Variants in GRM3 observed in about 807,000 individuals in gnomAD.
GRM3 encodes the protein glutamate metabotropic receptor 3.
Under a neutral mutation model 70.5 loss-of-function variants are expected in GRM3, and 26 were observed. The ratio of observed to expected loss-of-function variants is 0.37; its 90% CI spans 0.27 to 0.51. The LOEUF (loss-of-function observed/expected upper bound fraction) is 0.51, where lower values mean the gene tolerates loss of function less well. Among genes scored for constraint, GRM3 ranks in the 20% least tolerant of loss-of-function variants. The pLI is 0.93. For missense variants in GRM3, 859 were observed against 1,123.8 expected (o/e 0.76, Z 3.37); for synonymous variants, 443 against 434.9 (o/e 1.02, Z -0.23).
Position 86,764,420 on chromosome 7 carries a change from A to G in GRM3, c.-140-586A>G, listed in dbSNP as rs1389974489. Reference sequence around the variant, plus strand: ...AGAAATAAGTAGCAGCTTTTTCCACAACACTTTTGTTAGAGCAGTTGAGGC... The same window carrying G: ...AGAAATAAGTAGCAGCTTTTTCCACGACACTTTTGTTAGAGCAGTTGAGGC... On this transcript the variant is annotated intron_variant, in intron 1 of 5. Transcript: ENST00000361669. 2.6e-5 allele frequency among the ~76,000 whole-genome samples: 4 copies of G among 152,256 alleles called. No homozygotes were observed. In the East Asian group the frequency reaches 7.7e-4, roughly 29 times the overall value.
At chr7:86,791,224 G>A (rs1360144460) in intron 3 of GRM3, among the ~76,000 whole-genome samples, 1 of 152,030 alleles carries the variant, frequency 6.6e-6, no homozygotes, top group East Asian at 1.9e-4. Context: ...CTGGCATAGA[G>A]CAGACATTAT....
At chr7:86,857,724 G>T (rs879618914) in intron 5 of GRM3, among the ~76,000 whole-genome samples, 4 of 152,124 alleles carry the variant, frequency 2.6e-5, no homozygotes, top group Admixed American at 2.6e-4. Flanking sequence ...GAGCCTCAGG[G>T]TGAAAAAGTT....
chr7:86,694,530 A>AAAAAAAAAG (rs1794770093), intron 1 of GRM3, among the ~76,000 whole-genome samples: 1 of 43,624 alleles, frequency 2.3e-5, no homozygotes, highest in African/African-American at 1.1e-4. Context: ...AAAAAAAAAG[A>AAAAAAAAAG]AAAGAAAGAA....
intron 1 of GRM3, among the ~76,000 whole-genome samples, chr7:86,657,606 C>G (rs1562815355): frequency 1.3e-5 from 2 of 152,106 alleles, no homozygotes; most frequent in African/African-American, 4.8e-5. Context: ...AACATTTCTC[C>G]TGTAGGCAGA....
At chr7:86,793,540 A>T (rs1405499161) in intron 3 of GRM3, among the ~76,000 whole-genome samples, 1 of 152,186 alleles carries the variant, frequency 6.6e-6, no homozygotes, top group African/African-American at 2.4e-5. Flanking sequence ...TGTAAAGATA[A>T]ATATCCTGTA....
chr7:86,764,370 A>G (rs1245706136), intron 1 of GRM3, among the ~76,000 whole-genome samples: 1 of 152,148 alleles, frequency 6.6e-6, no homozygotes, highest in Non-Finnish European at 1.5e-5. Flanking sequence ...TGAGAACTAC[A>G]GTGAGTTTAT....
intron 4 of GRM3, among the ~76,000 whole-genome samples, chr7:86,842,631 GA>G (rs1383580242): frequency 6.6e-6 from 1 of 152,122 alleles, no homozygotes; most frequent in African/African-American, 2.4e-5. Flanking sequence ...AAGAGCAGCT[GA>G]AAAAATTTTG....
intron 4 of GRM3, among the ~76,000 whole-genome samples, chr7:86,840,607 C>T (rs1798541150): frequency 6.6e-6 from 1 of 152,022 alleles, no homozygotes; most frequent in South Asian, 2.1e-4. Context: ...GAAACTTCTT[C>T]ATTCCATTAT....
At chr7:86,760,650 T>C (rs62488006) in intron 1 of GRM3, among the ~76,000 whole-genome samples, 11,547 of 151,956 alleles carry the variant, frequency 0.076, 628 homozygotes, top group Middle Eastern at 0.13. Context: ...TTTTCAATGT[T>C]ACTTTTTTTT....
At chr7:86,752,469 G>T (rs1796252485) in intron 1 of GRM3, among the ~76,000 whole-genome samples, 1 of 152,126 alleles carries the variant, frequency 6.6e-6, no homozygotes, top group African/African-American at 2.4e-5. Flanking sequence ...CAGTTTAAAA[G>T]TTGAAAGCTA....
chr7:86,849,231 T>C (rs143511402), intron 4 of GRM3, among the ~76,000 whole-genome samples: 289 of 152,264 alleles, frequency 1.9e-3, no homozygotes, highest in Middle Eastern at 3.4e-3. Context: ...TTATGAAGGC[T>C]TTTGCATCAC....
intron 1 of GRM3, among the ~76,000 whole-genome samples, chr7:86,698,554 T>TTA (rs201972287): frequency 0.016 from 2,265 of 140,478 alleles, 72 homozygotes; most frequent in African/African-American, 0.063. Flanking sequence ...CACATTATTA[T>TTA]TATATATATA....
At chr7:86,704,128 T>C (rs1795006976) in intron 1 of GRM3, among the ~76,000 whole-genome samples, 1 of 151,966 alleles carries the variant, frequency 6.6e-6, no homozygotes, top group Non-Finnish European at 1.5e-5. Context: ...GGCAGCCTCA[T>C]TTAAATAGTA....
Position 86,786,784 on chromosome 7 carries a change from G to C in GRM3, c.992G>C (p.Arg331Pro), listed in dbSNP as rs758187594. 6.2e-7 allele frequency: 1 copy of C among 1,614,098 alleles called. No individual in the cohort carries two copies. The highest frequency in any genetic ancestry group is 1.1e-5 in the South Asian group (1 of 91,084). The change falls in exon 3 of 6, where the codon CGC becomes CCC. Residue 331 changes from arginine (R) to proline (P), a missense_variant. Transcript: ENST00000361669. The surrounding 1 kb of genome is among the most constrained non-coding windows in gnomAD (Gnocchi z 6.0). ...CTGGAGCTGGCCTCCCAGCCTGTCC[G>C]CCAGTTCGACCGCTACTTCCAGAGC... ...ITLELASQPV[R>P]QFDRYFQSLN...
intron 1 of GRM3, among the ~76,000 whole-genome samples, chr7:86,673,605 C>CAT (rs1794227812): frequency 6.6e-6 from 1 of 152,092 alleles, no homozygotes; most frequent in Non-Finnish European, 1.5e-5. Flanking sequence ...CCCTAAATGA[C>CAT]ATATATGTTT....
At chr7:86,858,078 T>A (rs376526995) in intron 5 of GRM3, among the ~76,000 whole-genome samples, 1 of 152,000 alleles carries the variant, frequency 6.6e-6, no homozygotes, top group African/African-American at 2.4e-5. Context: ...TGCCTCAGCC[T>A]CCCAAGTAGC....
chr7:86,843,855 A>T (rs559072031), intron 4 of GRM3, among the ~76,000 whole-genome samples: 6 of 152,280 alleles, frequency 3.9e-5, no homozygotes, highest in Admixed American at 6.5e-5. Flanking sequence ...TGAGATTTTT[A>T]AAAAATCACC....
At chr7:86,795,735 G>T (rs560580049) in intron 3 of GRM3, among the ~76,000 whole-genome samples, 9 of 152,224 alleles carry the variant, frequency 5.9e-5, no homozygotes, top group African/African-American at 2.2e-4. Flanking sequence ...TGGACAGAAT[G>T]ATTTACATTT....
At chr7:86,695,415 T>C (rs779594340) in intron 1 of GRM3, among the ~76,000 whole-genome samples, 4 of 152,184 alleles carry the variant, frequency 2.6e-5, no homozygotes, top group Non-Finnish European at 5.9e-5. Context: ...ATATCTGATA[T>C]AGTAACACCA....
Sources: gnomAD v4.1 joint callset for allele counts (sites outside exome capture counted in the v4.1 genomes callset) on GRCh38, gnomAD v4.1.1 for gene constraint, Gnocchi (gnomAD v3.1) non-coding constraint, MANE v1.5 for transcripts, NCBI Gene and HGNC (gene_info 2026-07-23, HGNC 2026-07-21) for gene names.